Variants in PPP1R1C observed in about 807,000 individuals in gnomAD.
PPP1R1C encodes the protein protein phosphatase 1 regulatory subunit 1C.
In PPP1R1C, 15 loss-of-function variants were observed where a neutral mutation model predicts 17.4. The ratio of observed to expected loss-of-function variants is 0.86; its 90% confidence interval spans 0.58 to 1.33. PPP1R1C has a LOEUF of 1.33. Among genes scored for constraint, PPP1R1C ranks in the 40% most tolerant of loss-of-function variants. PPP1R1C has a pLI of 0.00. For synonymous variants in PPP1R1C, 35 were observed against 43.1 expected, an observed-to-expected ratio of 0.81 and a Z score of 0.73; for missense variants, 143 against 130.0, an observed-to-expected ratio of 1.10 and a Z score of -0.48.
intron 4 of PPP1R1C, among the ~76,000 whole-genome samples, chr2:182,083,142 A>G (rs151025514): frequency 6.6e-6 from 1 of 152,238 alleles, no homozygotes. Flanking sequence ...GTCAAGTTAC[A>G]AAAGAAAGAT....
chr2:182,027,835 T>A (rs1479220778), intron 2 of PPP1R1C, among the ~76,000 whole-genome samples: 1 of 143,648 alleles, frequency 7.0e-6, no homozygotes, highest in East Asian at 2.1e-4. Context: ...TGAATCCATC[T>A]GGTCCTGGAC....
rs910397226 is a variant in PPP1R1C, at chr2:181,985,973, C to T, written c.-138C>T. ...TCAAACCTCGGCATCTTCACTTGCT[C>T]GATCTGGAATTACAGCTATTTATTA... On this transcript the variant is annotated 5_prime_UTR_variant, in exon 1 of 5. It introduces an in-frame stop codon into an upstream open reading frame of the 5' UTR. Coordinates refer to ENST00000682840, the MANE Select transcript of PPP1R1C (RefSeq NM_001080545.3). The surrounding 1 kb of genome is among the most constrained non-coding windows in gnomAD (Gnocchi z 4.1). 1.0e-5 allele frequency: 7 copies of T among 697,518 alleles called. No individual in the cohort carries two copies. The highest frequency in any genetic ancestry group is 1.7e-5 in the South Asian group (1 of 57,926). 43.2% of individuals were successfully genotyped at this position (697,518 alleles called of 1,614,324 possible).
chr2:181,966,230 A>G (rs1045373113), intron 1 of PPP1R1C, among the ~76,000 whole-genome samples: 2 of 152,196 alleles, frequency 1.3e-5, no homozygotes, highest in Admixed American at 1.3e-4. Flanking sequence ...TTTTACAAAT[A>G]TAAGATTATG....
intron 2 of PPP1R1C, among the ~76,000 whole-genome samples, chr2:181,977,913 C>A (rs967097222): frequency 6.6e-6 from 1 of 152,146 alleles, no homozygotes; most frequent in African/African-American, 2.4e-5. Flanking sequence ...GGGCTGTTGA[C>A]AGGAATCAGC....
intron 4 of PPP1R1C, among the ~76,000 whole-genome samples, chr2:182,090,897 T>G (rs1430926519): frequency 2.6e-5 from 4 of 152,156 alleles, no homozygotes; most frequent in Non-Finnish European, 5.9e-5. Flanking sequence ...ATAAAAACTT[T>G]AAAGTTTGAG....
At chr2:181,996,579 T>C (rs1356580690) in intron 2 of PPP1R1C, among the ~76,000 whole-genome samples, 2 of 152,152 alleles carry the variant, frequency 1.3e-5, no homozygotes, top group Non-Finnish European at 2.9e-5. Flanking sequence ...GTTGCCAAAA[T>C]CCACATCATG....
In PPP1R1C at chr2:181,989,158, C is replaced by A. The variant is rs183982780; in HGVS notation, c.142+1259C>A. ...TTCTGTAATGTCCTAAAACTTTCCT[C>A]CCTATGCCTGCCTTAAGGTGTACTG... On this transcript the variant is annotated intron_variant, in intron 2 of 4. Coordinates refer to ENST00000682840, the MANE Select transcript of PPP1R1C (RefSeq NM_001080545.3). Among the ~76,000 whole-genome samples the A allele has an allele frequency of 4.6e-4, 70 of 152,260 alleles. No homozygotes were observed. In the East Asian group the frequency reaches 0.013, roughly 29 times the overall value.
At position 182,072,821 on chromosome 2, in the gene PPP1R1C, A is replaced by C. The variant is rs115139725; in HGVS notation, c.241+9030A>C. On this transcript the variant is annotated intron_variant, in intron 4 of 4. Transcript: ENST00000682840. ...CTTATGTAATAACAGTTTTGTACTC[A>C]AACCAAGCTTGCCTTTAATCTTGTC... Among the ~76,000 whole-genome samples the C allele has an allele frequency of 8.5e-3, 1,296 of 152,316 alleles. 22 individuals are homozygous for C. The highest frequency in any genetic ancestry group is 0.029 in the African/African-American group (1,217 of 41,554).
intron 4 of PPP1R1C, among the ~76,000 whole-genome samples, chr2:182,095,940 A>C (rs531690078): frequency 6.6e-6 from 1 of 151,216 alleles, no homozygotes; most frequent in Admixed American, 6.6e-5. Context: ...GCGCCACTGC[A>C]CTCCAGCCTG....
intron 2 of PPP1R1C, among the ~76,000 whole-genome samples, chr2:182,038,396 G>T (rs1184293740): frequency 6.6e-6 from 1 of 152,134 alleles, no homozygotes; most frequent in Non-Finnish European, 1.5e-5. Flanking sequence ...TGGGCACCTG[G>T]AGTAAACTAT....
chr2:182,041,419 G>A (rs966838649), intron 2 of PPP1R1C, among the ~76,000 whole-genome samples: 1 of 152,034 alleles, frequency 6.6e-6, no homozygotes, highest in Non-Finnish European at 1.5e-5. Flanking sequence ...GACCAGCCTG[G>A]CCAACATGGT....
chr2:182,098,534 T>C lies in PPP1R1C; in HGVS notation c.242-18673T>C, dbSNP rs578038549. On this transcript the variant is annotated intron_variant, in intron 4 of 4. Coordinates refer to ENST00000682840, the MANE Select transcript of PPP1R1C (RefSeq NM_001080545.3). ...AGAGATCACCACAAGCTTTCTAAAATAATTTTGTTGAAAAAAATGAAAAAT... is the reference window on the plus strand; with the variant it reads ...AGAGATCACCACAAGCTTTCTAAAACAATTTTGTTGAAAAAAATGAAAAAT... Among the ~76,000 whole-genome samples, 5 of 152,252 alleles carry C rather than the reference T, an allele frequency of 3.3e-5. No individual in the cohort carries two copies. The South Asian group carries it at 1.0e-3, about 32-fold the overall frequency.
chr2:182,044,336 A>T (rs1444394129), intron 2 of PPP1R1C, among the ~76,000 whole-genome samples: 2 of 152,154 alleles, frequency 1.3e-5, no homozygotes, highest in African/African-American at 4.8e-5. Flanking sequence ...AGTCTTACTA[A>T]ATCTTCAACC....
At chr2:182,055,793 A>C (rs924462555) in intron 2 of PPP1R1C, among the ~76,000 whole-genome samples, 1 of 152,136 alleles carries the variant, frequency 6.6e-6, no homozygotes, top group African/African-American at 2.4e-5. Flanking sequence ...ACATTTTAAA[A>C]CTGCTTTGAT....
intron 2 of PPP1R1C, among the ~76,000 whole-genome samples, chr2:182,022,798 A>G (rs1173156134): frequency 6.6e-6 from 1 of 152,192 alleles, no homozygotes; most frequent in Admixed American, 6.5e-5. Context: ...CTTATAAATA[A>G]TGAATGTTGC....
intron 2 of PPP1R1C, chr2:182,023,891 C>T (rs183303761): frequency 6.6e-6 from 1 of 152,228 alleles, no homozygotes; most frequent in East Asian, 1.9e-4. Flanking sequence ...CCACCTTGGC[C>T]TCTCAGAGTG....
At chr2:181,982,490 C>G (rs1685211359), upstream of PPP1R1C, among the ~76,000 whole-genome samples, 1 of 151,984 alleles carries the variant, frequency 6.6e-6, no homozygotes, top group South Asian at 2.1e-4. Flanking sequence ...GATTTGCAGT[C>G]TAGGAGAAGA....
At chr2:182,052,390 A>G (rs1402781765) in intron 2 of PPP1R1C, among the ~76,000 whole-genome samples, 1 of 152,266 alleles carries the variant, frequency 6.6e-6, no homozygotes, top group African/African-American at 2.4e-5. Flanking sequence ...CTGTTAGAGC[A>G]GACATGCTTG....
chr2:182,043,105 A>G (rs1205649757), intron 2 of PPP1R1C, among the ~76,000 whole-genome samples: 1 of 152,240 alleles, frequency 6.6e-6, no homozygotes, highest in Non-Finnish European at 1.5e-5. Flanking sequence ...AAAGCAAAAG[A>G]GCACACAACT....
Sources: allele counts gnomAD v4.1 joint callset (sites outside exome capture counted in the v4.1 genomes callset), GRCh38; gene constraint gnomAD v4.1.1; non-coding constraint Gnocchi (gnomAD v3.1); transcripts MANE v1.5; gene names NCBI Gene and HGNC (gene_info 2026-07-23, HGNC 2026-07-21).